TESMIN: variants seen among roughly 807,000 people sequenced by gnomAD.
The protein encoded by TESMIN is CXC domain containing 2.
A neutral mutation model predicts 47.4 loss-of-function variants in TESMIN; 34 were observed. The observed-to-expected ratio is 0.72, with a 90% CI of 0.55 to 0.96. The LOEUF is 0.96. Among genes scored for constraint, TESMIN ranks in the 40% least tolerant of loss-of-function variants. The pLI is 0.00. For synonymous variants in TESMIN, 278 were observed against 258.9 expected, an observed-to-expected ratio of 1.07 and a Z score of -0.71; for missense variants, 610 against 637.2, an observed-to-expected ratio of 0.96 and a Z score of 0.46.
chr11:68,716,011 G>A (rs569110358), intron 6 of TESMIN, 72 bp from the exon 7 acceptor site: 19 of 1,018,260 alleles, frequency 1.9e-5, no homozygotes, highest in Non-Finnish European at 2.8e-5. Context: ...GAGCACACAC[G>A]TGTAAGGAAA....
At chr11:68,747,446 T>C (rs1325813168) in intron 2 of TESMIN, 80 bp from the exon 3 acceptor site, 2 of 1,271,636 alleles carry the variant, frequency 1.6e-6, no homozygotes, top group African/African-American at 3.0e-5. Flanking sequence ...AAAATTGAAA[T>C]CTCAGTGATA....
intron 6 of TESMIN, among the ~76,000 whole-genome samples, chr11:68,727,497 T>C (rs1223447342): frequency 3.3e-5 from 5 of 152,192 alleles, no homozygotes; most frequent in African/African-American, 1.2e-4. Flanking sequence ...TCTACACTCA[T>C]GGTATAAAAC....
rs1363208654 is a variant in TESMIN, at chr11:68,708,000, G to A, written c.*308C>T. The A allele has an allele frequency of 9.1e-6, 4 of 441,138 alleles. No individual in the cohort carries two copies. The highest frequency in any genetic ancestry group is 6.0e-5 in the Admixed American group (2 of 33,252). The allele number at this position is 441,138 out of a possible 1,614,324, so 27.3% of individuals were successfully genotyped here. ...CCTCCCCTGCCCCGCTCTGCCCTTC[G>A]CAGGGCCTGCTGTGCCCTCCCCTGC... On this transcript the variant is annotated 3_prime_UTR_variant, in exon 10 of 10. Coordinates refer to ENST00000255087, the MANE Select transcript of TESMIN (RefSeq NM_004923.3).
At chr11:68,713,229 C>T (rs1370681451) in intron 8 of TESMIN, 41 bp downstream of exon 8, 3 of 1,571,392 alleles carry the variant, frequency 1.9e-6, no homozygotes, top group Non-Finnish European at 2.6e-6. Context: ...AACATATTTA[C>T]CTGTGTTTTT....
intron 6 of TESMIN, among the ~76,000 whole-genome samples, chr11:68,735,280 C>A (rs1946374348): frequency 6.6e-6 from 1 of 152,164 alleles, no homozygotes; most frequent in African/African-American, 2.4e-5. Flanking sequence ...GCCCTCGGCC[C>A]TCTCAGACCT....
At chr11:68,738,093 A>G in intron 6 of TESMIN, 1 of 985,936 alleles carries the variant, frequency 1.0e-6, no homozygotes, top group Non-Finnish European at 1.2e-6. Flanking sequence ...CCAGCTGATT[A>G]GTTTAATTAG....
intron 9 of TESMIN, among the ~76,000 whole-genome samples, chr11:68,710,188 A>G (rs548937973): frequency 2.0e-5 from 3 of 152,278 alleles, no homozygotes; most frequent in African/African-American, 7.2e-5. Flanking sequence ...GGTCACAATC[A>G]TGAGTATTTC....
chr11:68,737,984 A>C lies in TESMIN; in HGVS notation c.917+716T>G, dbSNP rs981254346. 4 of 985,690 alleles carry C rather than the reference A, an allele frequency of 4.1e-6. No individual in the cohort carries two copies. The African/African-American group carries it at 7.0e-5, about 17-fold the overall frequency. The allele number at this position is 985,690 out of a possible 1,614,324, so 61.1% of individuals were successfully genotyped here. On this transcript the variant is annotated intron_variant, in intron 6 of 9. Coordinates refer to ENST00000255087, the MANE Select transcript of TESMIN (RefSeq NM_004923.3). Reference sequence around the variant, plus strand: ...AAACAAACAAACACCTCTTGGAGGCAGGAATATGCTGATCTCCATAATCAA... The same window carrying C: ...AAACAAACAAACACCTCTTGGAGGCCGGAATATGCTGATCTCCATAATCAA...
chr11:68,721,037 GA>G lies in TESMIN; in HGVS notation c.918-5099del, dbSNP rs1383593568. On this transcript the variant is annotated intron_variant, in intron 6 of 9. Transcript: ENST00000255087. ...AGTGTGCTTTTATTACTTATCAATA[GA>G]AGTAATAAAGATAACATCTTTCTTT... Among the ~76,000 whole-genome samples, 4 of 130,782 alleles carry G rather than the reference GA, an allele frequency of 3.1e-5. No individual in the cohort carries two copies. In the East Asian group the frequency reaches 9.8e-4, roughly 32 times the overall value. The allele number at this position is 130,782 out of a possible 152,430, so 85.8% of individuals were successfully genotyped here.
chr11:68,716,684 G>C (rs1173396860), intron 6 of TESMIN, among the ~76,000 whole-genome samples: 1 of 152,232 alleles, frequency 6.6e-6, no homozygotes, highest in East Asian at 1.9e-4. Flanking sequence ...GGTCTTGTAA[G>C]ACGCCTGCTC....
intron 6 of TESMIN, among the ~76,000 whole-genome samples, chr11:68,733,457 A>T (rs1946352145): frequency 6.6e-6 from 1 of 152,170 alleles, no homozygotes; most frequent in Non-Finnish European, 1.5e-5. Flanking sequence ...ATAATACCAA[A>T]AATTCGTACC....
Position 68,715,942 on chromosome 11 carries a change from G to A in TESMIN, c.918-3C>T. On this transcript the variant is annotated splice_region_variant and splice_polypyrimidine_tract_variant and intron_variant, in intron 6 of 9. Transcript: ENST00000255087. ...CACTGGCAAAGCAGTCACAGTACCT[G>A]TGAAGGAAAGGACAGAGTGAGTGGC... 5 of 1,591,990 alleles carry A rather than the reference G, an allele frequency of 3.1e-6. No homozygotes were observed. Among genetic ancestry groups the A allele is most frequent in the Non-Finnish European group, 4.3e-6 (5 of 1,160,046 alleles).
intron 3 of TESMIN, among the ~76,000 whole-genome samples, chr11:68,746,133 T>A (rs1231381740): frequency 6.6e-6 from 1 of 151,656 alleles, no homozygotes; most frequent in Non-Finnish European, 1.5e-5. Context: ...CATGTTCAAT[T>A]GGAGTTGTAT....
chr11:68,709,044 C>A (rs1385419510), intron 9 of TESMIN, among the ~76,000 whole-genome samples: 1 of 150,054 alleles, frequency 6.7e-6, no homozygotes, highest in African/African-American at 2.5e-5. Context: ...AGCCACCACA[C>A]CCGGCGGAGA....
At position 68,727,478 on chromosome 11, in the gene TESMIN, T is replaced by TA. The variant is rs1341910450; in HGVS notation, c.917+11221dup. ...AAACAAAAAAACAAAAAAACTGTCC[T>TA]AAAAAATATCTACACTCATGGTATA... On this transcript the variant is annotated intron_variant, in intron 6 of 9. Coordinates refer to ENST00000255087, the MANE Select transcript of TESMIN (RefSeq NM_004923.3). Among the ~76,000 whole-genome samples the TA allele has an allele frequency of 2.0e-5, 3 of 151,726 alleles. No individual in the cohort carries two copies. In the South Asian group the frequency reaches 6.2e-4, roughly 32 times the overall value.
At chr11:68,728,592 CT>C (rs1387276685) in intron 6 of TESMIN, among the ~76,000 whole-genome samples, 1 of 152,148 alleles carries the variant, frequency 6.6e-6, no homozygotes, top group Non-Finnish European at 1.5e-5. Context: ...ATGAAGCAGC[CT>C]TCTACTAGAA....
chr11:68,710,808 C>T (rs1946054639), intron 9 of TESMIN, 66 bp downstream of exon 9: 6 of 1,423,274 alleles, frequency 4.2e-6, no homozygotes, highest in Admixed American at 2.2e-5. Flanking sequence ...TATAAATTGT[C>T]GTTAATTCTC....
chr11:68,734,835 C>A (rs1056669541), intron 6 of TESMIN, among the ~76,000 whole-genome samples: 1 of 152,210 alleles, frequency 6.6e-6, no homozygotes, highest in African/African-American at 2.4e-5. Flanking sequence ...GTGCTCCGAG[C>A]GCCCGCACGC....
Position 68,710,869 on chromosome 11 carries a change from C to G in TESMIN, c.1334+5G>C, listed in dbSNP as rs1946055372. 6.2e-7 allele frequency: 1 copy of G among 1,607,394 alleles called. No homozygotes were observed. The highest frequency in any genetic ancestry group is 1.7e-5 in the Admixed American group (1 of 58,542). On this transcript the variant is annotated splice_donor_5th_base_variant and intron_variant, in intron 9 of 9. Coordinates refer to ENST00000255087, the MANE Select transcript of TESMIN (RefSeq NM_004923.3). ...TATTAGCAGAGGTTAGTTCAAAGTA[C>G]CTACCTATCGTGACTGAATCTTGGA...
Sources: gnomAD v4.1 joint callset for allele counts (sites outside exome capture counted in the v4.1 genomes callset) on GRCh38, gnomAD v4.1.1 for gene constraint, MANE v1.5 for transcripts, NCBI Gene and HGNC (gene_info 2026-07-23, HGNC 2026-07-21) for gene names.